PPP1CB: variants seen among roughly 807,000 people sequenced by gnomAD.
PPP1CB encodes the protein serine/threonine-protein phosphatase PP1-beta catalytic subunit.
In PPP1CB, 2 loss-of-function variants were observed where a neutral mutation model predicts 43.7. That is an observed-to-expected ratio of 0.05 (90% CI 0.02 to 0.14). PPP1CB has a LOEUF of 0.14. PPP1CB is among the 10% of genes least tolerant of loss of function. The pLI is 1.00. For missense variants in PPP1CB, 84 were observed against 398.0 expected (o/e 0.21, Z 6.71); for synonymous variants, 136 against 135.6 (o/e 1.00, Z -0.02).
At chr2:28,763,254 T>C (rs1042654123) in intron 1 of PPP1CB, among the ~76,000 whole-genome samples, 10 of 152,216 alleles carry the variant, frequency 6.6e-5, no homozygotes, top group Admixed American at 3.9e-4. Context: ...TTTAATAAAA[T>C]TGATCATTTG....
At chr2:28,781,343 G>A (rs1416797189) in intron 3 of PPP1CB, among the ~76,000 whole-genome samples, 1 of 152,032 alleles carries the variant, frequency 6.6e-6, no homozygotes, top group Non-Finnish European at 1.5e-5. Context: ...TTAGCATTTT[G>A]GGAGAAAACA....
At chr2:28,756,914 A>G (rs1666501960) in intron 1 of PPP1CB, among the ~76,000 whole-genome samples, 1 of 152,220 alleles carries the variant, frequency 6.6e-6, no homozygotes, top group Admixed American at 6.5e-5. Context: ...CATACCATAC[A>G]GTTTGCCTAT....
At chr2:28,778,576 G>A (rs942591204) in intron 2 of PPP1CB, 35 of 524,576 alleles carry the variant, frequency 6.7e-5, no homozygotes, top group East Asian at 3.5e-5. Context: ...TTTCATCAGC[G>A]AGCATGGAAG....
At chr2:28,783,289 T>G (rs994378861) in intron 4 of PPP1CB, among the ~76,000 whole-genome samples, 9 of 152,140 alleles carry the variant, frequency 5.9e-5, no homozygotes, top group African/African-American at 1.9e-4. Context: ...TTGATTATGT[T>G]TCTATGAAGG....
chr2:28,763,107 T>A (rs1488034063), intron 1 of PPP1CB, among the ~76,000 whole-genome samples: 1 of 152,226 alleles, frequency 6.6e-6, no homozygotes, highest in Non-Finnish European at 1.5e-5. Context: ...AGTGTCTAGG[T>A]CTGCTTGGAA....
Position 28,793,521 on chromosome 2 carries a change from TAAAAAC to T in PPP1CB, c.745-336_745-331del, listed in dbSNP as rs534480082. ...TTAAAATAAAATTAAATTTAAAACT[TAAAAAC>T]AAAAAAAGTACTTAGTGTCCCAGCT... On this transcript the variant is annotated intron_variant, in intron 6 of 7. Transcript: ENST00000395366. 2.9e-3 allele frequency among the ~76,000 whole-genome samples: 444 copies of T among 152,224 alleles called. 1 individual carries two copies. The highest frequency in any genetic ancestry group is 0.01 in the African/African-American group (421 of 41,544).
At chr2:28,751,798 G>T, upstream of PPP1CB, 1 of 433,196 alleles carries the variant, frequency 2.3e-6, no homozygotes, top group Non-Finnish European at 4.2e-6. Flanking sequence ...GTGGCGCTGC[G>T]GGTGGGGCCG....
rs1006083997 is a variant in PPP1CB at position 28,801,242 on chromosome 2, G to T, written c.*1939G>T. On this transcript the variant is annotated 3_prime_UTR_variant, in exon 8 of 8. Coordinates refer to ENST00000395366, the MANE Select transcript of PPP1CB (RefSeq NM_002709.3). ...CCTGATTGGAGTGTGTAAGCTGAGC[G>T]ATTTCTAATAAAATTTTAGTTGTAC... 1 of 152,054 alleles carries T rather than the reference G, an allele frequency of 6.6e-6. No individual in the cohort carries two copies. Among genetic ancestry groups the T allele is most frequent in the Non-Finnish European group, 1.5e-5 (1 of 67,942 alleles). 9.4% of individuals were successfully genotyped at this position (152,054 alleles called of 1,614,324 possible).
rs1446012754 is a variant in PPP1CB at position 28,751,975 on chromosome 2, TG to T, written c.-144del. The stretch of plus-strand genomic sequence containing the variant: ...CTCTCGCTACCCGGCGGGGAGGGGG[TG>T]GGGGGAGGGCCCGGGAAAAGGGGGA... On this transcript the variant is annotated 5_prime_UTR_variant, in exon 1 of 8. Coordinates refer to ENST00000395366, the MANE Select transcript of PPP1CB (RefSeq NM_002709.3). The T allele has an allele frequency of 1.1e-5, 6 of 534,308 alleles. No homozygotes were observed. Among genetic ancestry groups the T allele is most frequent in the African/African-American group, 5.6e-5 (1 of 17,784 alleles). 33.1% of individuals were successfully genotyped at this position (534,308 alleles called of 1,614,324 possible).
rs1553312779 is a variant in PPP1CB, at chr2:28,800,226, C to CTTTCTTTCTTTT, written c.*926_*927insCTTTCTTTTTTT. 1 of 65,626 alleles carries CTTTCTTTCTTTT rather than the reference C, an allele frequency of 1.5e-5. No individual in the cohort carries two copies. The highest frequency in any genetic ancestry group is 2.7e-5 in the Non-Finnish European group (1 of 36,886). 4.1% of individuals were successfully genotyped at this position (65,626 alleles called of 1,614,324 possible). ...TTGGTTTTCTTTTTCTTTTTTCTTT[C>CTTTCTTTCTTTT]TTTTTTTTTTTTTTTTTTTTTTTGA... On this transcript the variant is annotated 3_prime_UTR_variant, in exon 8 of 8. Transcript: ENST00000395366.
At chr2:28,799,118 T>C in intron 7 of PPP1CB, 81 bp from the exon 8 acceptor site, 1 of 983,940 alleles carries the variant, frequency 1.0e-6, no homozygotes, top group Non-Finnish European at 1.5e-6. Context: ...TTATGCCATT[T>C]ATTGAAAATC....
intron 1 of PPP1CB, among the ~76,000 whole-genome samples, chr2:28,759,961 C>G (rs13399528): frequency 0.14 from 20,747 of 152,078 alleles, 1,935 homozygotes; most frequent in African/African-American, 0.26. Flanking sequence ...AAAACCGACT[C>G]AGGCATGTCC....
chr2:28,780,379 C>T (rs752860095), intron 3 of PPP1CB, among the ~76,000 whole-genome samples: 7 of 152,132 alleles, frequency 4.6e-5, no homozygotes, highest in South Asian at 4.1e-4. Flanking sequence ...GTGTGAGCCA[C>T]GGCGCCCAGC....
At chr2:28,772,296 A>C (rs1309576284) in intron 1 of PPP1CB, among the ~76,000 whole-genome samples, 1 of 152,140 alleles carries the variant, frequency 6.6e-6, no homozygotes, top group Non-Finnish European at 1.5e-5. Flanking sequence ...GCGAGACTCC[A>C]TCTCAAAAAG....
chr2:28,780,084 C>CTTTTTTTTTTTTTTTTTTTTTT (rs10559224), intron 3 of PPP1CB, among the ~76,000 whole-genome samples: 26 of 131,794 alleles, frequency 2.0e-4, no homozygotes, highest in South Asian at 7.5e-4. Flanking sequence ...TCTTTTCTTT[C>CTTTTTTTTTTTTTTTTTTTTTT]TTTTTTTTTT....
chr2:28,762,866 C>G (rs1440788447), intron 1 of PPP1CB, among the ~76,000 whole-genome samples: 1 of 152,098 alleles, frequency 6.6e-6, no homozygotes, highest in East Asian at 1.9e-4. Flanking sequence ...CAGAAGAGTC[C>G]TTAATTATGG....
chr2:28,762,338 A>G (rs983508436), intron 1 of PPP1CB, among the ~76,000 whole-genome samples: 2 of 152,242 alleles, frequency 1.3e-5, no homozygotes, highest in Non-Finnish European at 2.9e-5. Flanking sequence ...ACATTTTAGC[A>G]TAAATGTTTT....
chr2:28,784,091 A>G, intron 5 of PPP1CB, 113 bp downstream of exon 5: 5 of 724,322 alleles, frequency 6.9e-6, no homozygotes, highest in Non-Finnish European at 1.1e-5. Context: ...AGCTTTTTTC[A>G]TAGTCAATAA....
chr2:28,787,769 T>G (rs1267624035), intron 5 of PPP1CB, among the ~76,000 whole-genome samples: 1 of 152,230 alleles, frequency 6.6e-6, no homozygotes, highest in African/African-American at 2.4e-5. Context: ...ATGTTCATTC[T>G]CCCTCATCTA....
Sources: allele counts gnomAD v4.1 joint callset (sites outside exome capture counted in the v4.1 genomes callset), GRCh38; gene constraint gnomAD v4.1.1; transcripts MANE v1.5; gene names NCBI Gene and HGNC (gene_info 2026-07-23, HGNC 2026-07-21).